Variants in AFDN observed in about 807,000 individuals in gnomAD.
The protein encoded by AFDN is afadin, adherens junction formation factor.
AFDN carries 68 observed loss-of-function variants against 216.6 expected under a neutral mutation model. The observed-to-expected ratio is 0.31, with a 90% CI of 0.26 to 0.38. AFDN has a LOEUF of 0.38. Among genes scored for constraint, AFDN ranks in the 10% least tolerant of loss-of-function variants. AFDN has a pLI of 1.00. For synonymous variants in AFDN, 868 were observed against 853.7 expected (o/e 1.02, Z -0.29); for missense variants, 2,136 against 2,342.0 (o/e 0.91, Z 1.82).
intron 11 of AFDN, among the ~76,000 whole-genome samples, chr6:167,901,674 A>G (rs930972893): frequency 2.0e-5 from 3 of 152,188 alleles, no homozygotes; most frequent in African/African-American, 4.8e-5. Flanking sequence ...CCCTGTGTCC[A>G]TAAATAGGGC....
At chr6:167,835,686 C>T (rs534108) in intron 1 of AFDN, among the ~76,000 whole-genome samples, 17,480 of 152,194 alleles carry the variant, frequency 0.11, 1,194 homozygotes, top group South Asian at 0.23. Context: ...GCTAAGGTGC[C>T]ATCAGCTATA....
At chr6:167,916,409 C>CTG (rs1791071028) in intron 19 of AFDN, among the ~76,000 whole-genome samples, 1 of 152,154 alleles carries the variant, frequency 6.6e-6, no homozygotes. Context: ...AACCAGTGGA[C>CTG]TGTAAATATC....
At chr6:167,943,033 C>CA (rs1794879352) in intron 23 of AFDN, 96 bp from the exon 24 acceptor site, 3 of 850,764 alleles carry the variant, frequency 3.5e-6, no homozygotes, top group Non-Finnish European at 1.8e-6. Flanking sequence ...TATCTGTGTA[C>CA]ATGTTGGGTG....
At chr6:167,913,584 C>T (rs1175683087) in intron 16 of AFDN, 161 bp downstream of exon 16, 1 of 601,148 alleles carries the variant, frequency 1.7e-6, no homozygotes, top group Non-Finnish European at 2.9e-6. Context: ...GACTGTGCAA[C>T]CTTTATCGGC....
chr6:167,918,412 AG>A (rs1480522209), intron 20 of AFDN, among the ~76,000 whole-genome samples: 3 of 152,226 alleles, frequency 2.0e-5, no homozygotes, highest in Non-Finnish European at 2.9e-5. Context: ...GAATTGTGTG[AG>A]GAAAAAAATG....
chr6:167,828,688 A>G (rs548825909), intron 1 of AFDN, among the ~76,000 whole-genome samples: 77 of 151,756 alleles, frequency 5.1e-4, no homozygotes, highest in African/African-American at 1.9e-3. Context: ...AGAATAATGA[A>G]TTCATTTTTC....
rs756833549 is a variant in AFDN, at chr6:167,898,365, C to T, written c.1478C>T (p.Ala493Val). 6 of 1,613,988 alleles carry T rather than the reference C, an allele frequency of 3.7e-6. No individual in the cohort carries two copies. The highest frequency in any genetic ancestry group is 3.3e-5 in the Admixed American group (2 of 59,996). Reference sequence around the variant, plus strand: ...AGTGGCATGAAAGTGCAGTTTGGGGCGTCCCATGTATTTAAGTTTGTGGAC... The same window carrying T: ...AGTGGCATGAAAGTGCAGTTTGGGGTGTCCCATGTATTTAAGTTTGTGGAC... Reference protein sequence around the residue: ...LQSGMKVQFGASHVFKFVDPS... With the variant: ...LQSGMKVQFGVSHVFKFVDPS... The change falls in exon 11 of 34, where the codon GCG becomes GTG. Residue 493 changes from alanine to valine, a missense_variant. Coordinates refer to ENST00000683244, the MANE Select transcript of AFDN (RefSeq NM_001386888.1).
chr6:167,951,357 T>C lies in AFDN; in HGVS notation c.4003T>C (p.Ser1335Pro). The part of the protein sequence containing the change: ...SQEHLNHSSK[S>P]VTPASTLTKS... ...GGAGCATCTGAACCATTCCTCTAAGTCGGTCACCCCTGCTTCCACACTGAC... is the reference window on the plus strand; with the variant it reads ...GGAGCATCTGAACCATTCCTCTAAGCCGGTCACCCCTGCTTCCACACTGAC... Residue 1335 changes from serine (S) to proline (P), a missense_variant, in exon 30 of 34, where the codon TCG becomes CCG. Around this residue, in one of 8 missense-constraint regions of AFDN, gnomAD observed 981 missense variants for 966.0 expected, o/e 1.02. Transcript: ENST00000683244. This position sits in a 1 kb window ranked among gnomAD's most constrained non-coding sequence, Gnocchi z 7.1. 6.2e-7 allele frequency: 1 copy of C among 1,614,106 alleles called. No homozygotes were observed. Among genetic ancestry groups the C allele is most frequent in the Non-Finnish European group, 8.5e-7 (1 of 1,180,016 alleles).
At chr6:167,914,454 T>G in intron 17 of AFDN, 141 bp downstream of exon 17, 1 of 1,038,384 alleles carries the variant, frequency 9.6e-7, no homozygotes, top group South Asian at 1.7e-5. Context: ...TTTTGCAAAA[T>G]GTATTAACTA....
At chr6:167,829,245 T>C (rs960873532) in intron 1 of AFDN, among the ~76,000 whole-genome samples, 3 of 152,176 alleles carry the variant, frequency 2.0e-5, no homozygotes, top group Non-Finnish European at 4.4e-5. Flanking sequence ...TTTTTTACTA[T>C]ATAGTGGCTG....
intron 21 of AFDN, among the ~76,000 whole-genome samples, chr6:167,921,758 G>A (rs983225354): frequency 6.6e-6 from 1 of 151,906 alleles, no homozygotes; most frequent in African/African-American, 2.4e-5. Flanking sequence ...AGAGAAGCAA[G>A]TTGTAGGTTA....
At chr6:167,875,624 A>G (rs1785270808) in intron 5 of AFDN, 129 bp downstream of exon 5, 5 of 951,696 alleles carry the variant, frequency 5.3e-6, no homozygotes, top group South Asian at 3.4e-5. Context: ...AATGTGTACC[A>G]TATACTTCTG....
Position 167,971,114 on chromosome 6 carries a change from A to C in AFDN, c.*1179A>C. ...GTGTGTTTTATATTGTCTGGTGTTA[A>C]GATGATAAATTACTTTGTGATTACA... On this transcript the variant is annotated 3_prime_UTR_variant, in exon 34 of 34. Transcript: ENST00000683244. 4.5e-6 allele frequency: 1 copy of C among 221,542 alleles called. No homozygotes were observed. Among genetic ancestry groups the C allele is most frequent in the East Asian group, 6.7e-5 (1 of 15,034 alleles). 13.7% of individuals were successfully genotyped at this position (221,542 alleles called of 1,614,324 possible).
chr6:167,922,912 G>C lies in AFDN; in HGVS notation c.2965G>C (p.Glu989Gln). The change falls in exon 22 of 34, where the codon GAA becomes CAA. Residue 989 changes from glutamate to glutamine, a missense_variant. Transcript: ENST00000683244. Reference protein sequence around the residue: ...RSPGTWTIYFEGADYESHLLR... With the variant: ...RSPGTWTIYFQGADYESHLLR... ...ACCAGGTACTTGGACAATATATTTT[G>C]AAGGTGCAGATTATGAAAGTCACCT... 6.2e-7 allele frequency: 1 copy of C among 1,613,344 alleles called. No homozygotes were observed. The highest frequency in any genetic ancestry group is 8.5e-7 in the Non-Finnish European group (1 of 1,179,726).
At chr6:167,906,383 C>G (rs1789694056) in intron 12 of AFDN, among the ~76,000 whole-genome samples, 1 of 152,048 alleles carries the variant, frequency 6.6e-6, no homozygotes, top group Non-Finnish European at 1.5e-5. Context: ...ATATGAAAAG[C>G]TGGAAAGACG....
In AFDN at chr6:167,965,984, G is replaced by T. The variant is rs993180423; in HGVS notation, c.5196G>T (p.Leu1732=). 11 of 1,550,698 alleles carry T rather than the reference G, an allele frequency of 7.1e-6. No individual in the cohort carries two copies. The Admixed American group carries it at 1.6e-4, about 22-fold the overall frequency. The stretch of plus-strand genomic sequence containing the variant: ...CACAGGTCCTCTCCCCCGACTCGCT[G>T]TTCACTGCCAAGTTTGTTGCATACA... ...LKTQVLSPDS[L]FTAKFVAYNE... Residue 1732 remains leucine, a synonymous_variant, in exon 32 of 34, where the codon CTG becomes CTT. Transcript: ENST00000683244.
chr6:167,915,036 G>A, intron 18 of AFDN, 132 bp from the exon 19 acceptor site: 1 of 900,160 alleles, frequency 1.1e-6, no homozygotes, highest in Non-Finnish European at 1.7e-6. Context: ...CTCTTGGAAT[G>A]AAGTTGATAT....
intron 22 of AFDN, 101 bp from the exon 23 acceptor site, chr6:167,924,904 A>G (rs770564841): frequency 2.4e-6 from 2 of 849,122 alleles, no homozygotes; most frequent in Admixed American, 3.4e-5. Flanking sequence ...TTCTTTCCCC[A>G]TTTGCTCCAG....
chr6:167,853,541 G>A (rs958791328), intron 1 of AFDN, among the ~76,000 whole-genome samples: 5 of 152,014 alleles, frequency 3.3e-5, no homozygotes, highest in African/African-American at 9.7e-5. Context: ...TGTTTCCAGC[G>A]ATTGTCTTTT....
Sources: allele counts gnomAD v4.1 joint callset (sites outside exome capture counted in the v4.1 genomes callset), GRCh38; gene constraint gnomAD v4.1.1; regional missense constraint gnomAD v4.1.1; non-coding constraint Gnocchi (gnomAD v3.1); transcripts MANE v1.5; gene names NCBI Gene and HGNC (gene_info 2026-07-23, HGNC 2026-07-21).